PCDHA3: variants seen among roughly 807,000 people sequenced by gnomAD.
PCDHA3 encodes the protein protocadherin alpha 3.
PCDHA3 carries 41 observed loss-of-function variants against 62.2 expected under a neutral mutation model. That is an observed-to-expected ratio of 0.66 (90% CI 0.51 to 0.86). The LOEUF (loss-of-function observed/expected upper bound fraction) is 0.86, where lower values mean the gene tolerates loss of function less well. PCDHA3 is among the 40% of genes least tolerant of loss of function. The pLI is 0.00. For synonymous variants in PCDHA3, 640 were observed against 555.4 expected, an observed-to-expected ratio of 1.15 and a Z score of -2.14; for missense variants, 1,304 against 1,241.2, an observed-to-expected ratio of 1.05 and a Z score of -0.76.
At position 141,010,329 on chromosome 5, in the gene PCDHA3, GTTTGTGGCCACTGGGTA is replaced by G. The variant is rs1554262887; in HGVS notation, c.*394_*410del. The G allele has an allele frequency of 1.9e-6, 3 of 1,538,554 alleles. No individual in the cohort carries two copies. The East Asian group carries it at 7.3e-5, about 38-fold the overall frequency. ...AGTTTTGAGATTGAGCAGCTTGGGA[GTTTGTGGCCACTGGGTA>G]TGTGTGGCTACCGCGGGTATGCGAG... On this transcript the variant is annotated 3_prime_UTR_variant, in exon 4 of 4. Coordinates refer to ENST00000522353, the MANE Select transcript of PCDHA3 (RefSeq NM_018906.3).
At chr5:140,911,249 C>T (rs782367621) in intron 1 of PCDHA3, among the ~76,000 whole-genome samples, 4 of 152,152 alleles carry the variant, frequency 2.6e-5, no homozygotes, top group African/African-American at 4.8e-5. Context: ...AAAGTTTCAT[C>T]AGAATTTATA....
chr5:140,959,060 T>C (rs1201389008), intron 1 of PCDHA3, among the ~76,000 whole-genome samples: 1 of 152,138 alleles, frequency 6.6e-6, no homozygotes, highest in Admixed American at 6.5e-5. Context: ...AAATGCAGTA[T>C]ATATAGAATT....
At chr5:140,921,165 A>T (rs959305878) in intron 1 of PCDHA3, among the ~76,000 whole-genome samples, 1 of 151,798 alleles carries the variant, frequency 6.6e-6, no homozygotes, top group Non-Finnish European at 1.5e-5. Flanking sequence ...TTTTTTTAAC[A>T]CACATAAAGC....
intron 1 of PCDHA3, among the ~76,000 whole-genome samples, chr5:140,908,385 G>A (rs1318647483): frequency 6.6e-6 from 1 of 152,222 alleles, no homozygotes. Context: ...GCTCGAGCCC[G>A]ATCACATATA....
chr5:140,864,851 A>G (rs1554159167), intron 1 of PCDHA3: 1 of 152,190 alleles, frequency 6.6e-6, no homozygotes, highest in Non-Finnish European at 1.5e-5. Context: ...CTTCCCATAC[A>G]TGATGAAGGG....
At chr5:140,898,864 A>C (rs1401711928) in intron 1 of PCDHA3, among the ~76,000 whole-genome samples, 3 of 149,656 alleles carry the variant, frequency 2.0e-5, no homozygotes, top group African/African-American at 7.5e-5. Flanking sequence ...CTTTTATTTC[A>C]TTGAGCAGTG....
chr5:140,845,064 A>G (rs1225142446), intron 1 of PCDHA3, among the ~76,000 whole-genome samples: 1 of 149,468 alleles, frequency 6.7e-6, no homozygotes, highest in Non-Finnish European at 1.5e-5. Flanking sequence ...GGTAACCTCA[A>G]AGCAGCATTG....
chr5:140,995,434 A>G (rs146744164), intron 3 of PCDHA3, among the ~76,000 whole-genome samples: 4 of 152,320 alleles, frequency 2.6e-5, no homozygotes, highest in African/African-American at 7.2e-5. Context: ...ACAGCTTGCA[A>G]TTTAAAACTT....
intron 1 of PCDHA3, chr5:140,804,921 T>A (rs947575210): frequency 1.0e-6 from 1 of 982,704 alleles, no homozygotes; most frequent in Non-Finnish European, 1.4e-6. Context: ...ATTTCCTTTT[T>A]TGGCACTATC....
intron 1 of PCDHA3, among the ~76,000 whole-genome samples, chr5:140,952,990 G>T (rs1218296143): frequency 6.6e-6 from 1 of 152,042 alleles, no homozygotes; most frequent in Non-Finnish European, 1.5e-5. Context: ...GATCTCATGA[G>T]AACTCTCTCA....
At chr5:140,986,213 C>T (rs1554247816) in intron 3 of PCDHA3, among the ~76,000 whole-genome samples, 2 of 152,208 alleles carry the variant, frequency 1.3e-5, no homozygotes, top group Non-Finnish European at 2.9e-5. Context: ...TTACTGGCCC[C>T]TTTCTCTAGC....
intron 1 of PCDHA3, among the ~76,000 whole-genome samples, chr5:140,964,573 G>A (rs191009049): frequency 3.0e-4 from 45 of 152,274 alleles, no homozygotes; most frequent in African/African-American, 1.9e-4. Flanking sequence ...GAGGAGATAA[G>A]GGGAGGAAAG....
intron 1 of PCDHA3, among the ~76,000 whole-genome samples, chr5:140,911,380 T>C (rs1365945638): frequency 4.6e-5 from 7 of 152,212 alleles, no homozygotes; most frequent in African/African-American, 1.7e-4. Flanking sequence ...AGGCTGTGCA[T>C]GCACCTTTCA....
At chr5:141,004,100 ATCT>A (rs1241437793) in intron 3 of PCDHA3, among the ~76,000 whole-genome samples, 4 of 152,204 alleles carry the variant, frequency 2.6e-5, no homozygotes, top group Non-Finnish European at 5.9e-5. Context: ...TTCCGTTTTC[ATCT>A]TCTTCAAAAG....
chr5:140,827,955 C>G, intron 1 of PCDHA3: 1 of 1,286,520 alleles, frequency 7.8e-7, no homozygotes, highest in South Asian at 1.5e-5. Flanking sequence ...ATTCAAATTT[C>G]TTCTATTACT....
chr5:140,979,592 T>C (rs1554240865), intron 2 of PCDHA3, among the ~76,000 whole-genome samples: 1 of 152,248 alleles, frequency 6.6e-6, no homozygotes, highest in African/African-American at 2.4e-5. Flanking sequence ...CTAGCTTACT[T>C]TAAATTAACC....
Position 140,856,558 on chromosome 5 carries a change from A to C in PCDHA3, c.2394+52967A>C, listed in dbSNP as rs372031038. ...GAGAGAACGCATTGCTTACTTACAAACTCAGTCCAAATGAGTATTTTGTTC... is the reference window on the plus strand; with the variant it reads ...GAGAGAACGCATTGCTTACTTACAACCTCAGTCCAAATGAGTATTTTGTTC... On this transcript the variant is annotated intron_variant, in intron 1 of 3. Coordinates refer to ENST00000522353, the MANE Select transcript of PCDHA3 (RefSeq NM_018906.3). The C allele has an allele frequency of 1.3e-5, 21 of 1,598,088 alleles. 2 individuals are homozygous for C. The East Asian group carries it at 1.8e-4, about 14-fold the overall frequency.
chr5:140,891,904 T>A (rs1429453216), intron 1 of PCDHA3, among the ~76,000 whole-genome samples: 3 of 152,212 alleles, frequency 2.0e-5, no homozygotes, highest in Non-Finnish European at 4.4e-5. Flanking sequence ...AAGAAGATCT[T>A]CACCAGATGC....
At chr5:140,863,709 C>G (rs537647529) in intron 1 of PCDHA3, 1 of 285,634 alleles carries the variant, frequency 3.5e-6, no homozygotes, top group East Asian at 9.1e-5. Context: ...TTAAAGTACA[C>G]TGGGGCCGGG....
Sources: allele counts gnomAD v4.1 joint callset (sites outside exome capture counted in the v4.1 genomes callset), GRCh38; gene constraint gnomAD v4.1.1; transcripts MANE v1.5; gene names NCBI Gene and HGNC (gene_info 2026-07-23, HGNC 2026-07-21).